The following TBC1D32 variants were observed in gnomAD, a reference collection of about 807,000 sequenced individuals.
The protein encoded by TBC1D32 is protein broad-minded.
A neutral mutation model predicts 170.3 loss-of-function variants in TBC1D32; 151 were observed. The ratio of observed to expected loss-of-function variants is 0.89; its 90% CI spans 0.78 to 1.01. The LOEUF is 1.01. Ranked by LOEUF, TBC1D32 falls within the 50% of genes least tolerant of loss-of-function variation. The pLI is 0.00. For synonymous variants in TBC1D32, 498 were observed against 488.0 expected, an observed-to-expected ratio of 1.02 and a Z score of -0.27; for missense variants, 1,464 against 1,457.1, an observed-to-expected ratio of 1.00 and a Z score of -0.08.
intron 22 of TBC1D32, among the ~76,000 whole-genome samples, chr6:121,191,577 T>C (rs780803634): frequency 7.5e-5 from 11 of 147,620 alleles, no homozygotes; most frequent in Non-Finnish European, 1.3e-4. Context: ...CCTGCTCACT[T>C]ACTCTATGTA....
At chr6:121,294,761 T>C in intron 10 of TBC1D32, 101 bp from the exon 11 acceptor site, 1 of 930,590 alleles carries the variant, frequency 1.1e-6, no homozygotes, top group Non-Finnish European at 1.7e-6. Flanking sequence ...GGAGAAATAT[T>C]TGAGAAAAAT....
intron 30 of TBC1D32, among the ~76,000 whole-genome samples, chr6:121,098,860 G>T (rs972012740): frequency 2.0e-5 from 3 of 151,854 alleles, no homozygotes; most frequent in Admixed American, 6.6e-5. Flanking sequence ...TAACTCACAG[G>T]AAGGGAGAAG....
Position 121,113,197 on chromosome 6 carries a change from A to G in TBC1D32, c.3054-20T>C, listed in dbSNP as rs560264993. On this transcript the variant is annotated intron_variant, in intron 27 of 31. Transcript: ENST00000398212. ...CCATACCTATATTAAAAGCCCACAAAACATAAAACATATCAGGTCTTGCAT... is the reference window on the plus strand; with the variant it reads ...CCATACCTATATTAAAAGCCCACAAGACATAAAACATATCAGGTCTTGCAT... The G allele has an allele frequency of 5.4e-6, 8 of 1,484,450 alleles. No homozygotes were observed. The African/African-American group carries it at 1.1e-4, about 21-fold the overall frequency. The allele number at this position is 1,484,450 out of a possible 1,614,324, so 92.0% of individuals were successfully genotyped here.
chr6:121,295,883 A>G (rs1052802647), intron 10 of TBC1D32, among the ~76,000 whole-genome samples: 1 of 152,118 alleles, frequency 6.6e-6, no homozygotes, highest in African/African-American at 2.4e-5. Flanking sequence ...TGGGATTTTG[A>G]TAGCATCTAG....
intron 3 of TBC1D32, among the ~76,000 whole-genome samples, chr6:121,315,690 CATGA>C (rs1177722157): frequency 6.6e-6 from 1 of 151,994 alleles, no homozygotes; most frequent in Non-Finnish European, 1.5e-5. Flanking sequence ...ATTTTGAAGG[CATGA>C]ATAAGATTGT....
chr6:121,306,970 G>C (rs1028316861), intron 5 of TBC1D32, among the ~76,000 whole-genome samples: 2 of 151,882 alleles, frequency 1.3e-5, no homozygotes, highest in Non-Finnish European at 2.9e-5. Flanking sequence ...AAGCCCTTTC[G>C]AATAAACCAT....
At chr6:121,330,352 G>A (rs191295700) in intron 1 of TBC1D32, among the ~76,000 whole-genome samples, 1 of 152,040 alleles carries the variant, frequency 6.6e-6, no homozygotes, top group African/African-American at 2.4e-5. Context: ...ATATTTTCTT[G>A]AATTACCTCT....
intron 22 of TBC1D32, among the ~76,000 whole-genome samples, chr6:121,196,858 A>G (rs1457528560): frequency 6.6e-6 from 1 of 152,158 alleles, no homozygotes; most frequent in Non-Finnish European, 1.5e-5. Flanking sequence ...AGGATTCATG[A>G]TTCCAGGAAT....
intron 22 of TBC1D32, among the ~76,000 whole-genome samples, chr6:121,168,739 C>CAAA (rs1786508531): frequency 1.0e-5 from 1 of 96,376 alleles, no homozygotes; most frequent in African/African-American, 3.8e-5. Flanking sequence ...AAAAAATCAA[C>CAAA]ATGCAAAAAT....
At chr6:121,145,392 C>T (rs1040617561) in intron 24 of TBC1D32, among the ~76,000 whole-genome samples, 2 of 151,930 alleles carry the variant, frequency 1.3e-5, no homozygotes, top group African/African-American at 4.8e-5. Context: ...TATATAATCT[C>T]GCTTATGTGC....
chr6:121,182,280 A>G (rs915870544), intron 22 of TBC1D32, among the ~76,000 whole-genome samples: 1 of 151,970 alleles, frequency 6.6e-6, no homozygotes, highest in African/African-American at 2.4e-5. Flanking sequence ...GTATGTTTAT[A>G]TTTTATCACA....
chr6:121,200,700 A>G (rs1791431721), intron 22 of TBC1D32, among the ~76,000 whole-genome samples: 1 of 151,628 alleles, frequency 6.6e-6, no homozygotes, highest in South Asian at 2.1e-4. Flanking sequence ...AAGGACCATA[A>G]AGGCAAGAGG....
At chr6:121,271,099 G>C (rs1801343739) in intron 15 of TBC1D32, among the ~76,000 whole-genome samples, 2 of 152,118 alleles carry the variant, frequency 1.3e-5, no homozygotes, top group South Asian at 4.1e-4. Context: ...ACTAGGTATA[G>C]ATGGGACGTA....
rs1421354343 is a variant in TBC1D32 at position 121,294,563 on chromosome 6, T to C, written c.1231+7A>G. ...TAAAAGTATGTAATAGAGGAAATAA[T>C]ACTTACTGCAATGCTTTGAATGTCC... is the stretch of plus-strand genomic sequence containing the variant. On this transcript the variant is annotated splice_region_variant and intron_variant, in intron 11 of 31. Transcript: ENST00000398212. The C allele has an allele frequency of 1.9e-6, 3 of 1,600,776 alleles. No individual in the cohort carries two copies. Among genetic ancestry groups the C allele is most frequent in the African/African-American group, 2.7e-5 (2 of 74,496 alleles).
chr6:121,098,474 C>T (rs1037277229), intron 30 of TBC1D32, among the ~76,000 whole-genome samples: 3 of 151,776 alleles, frequency 2.0e-5, no homozygotes, highest in Admixed American at 6.6e-5. Flanking sequence ...CTTCATTGAT[C>T]GTGAATTTCT....
chr6:121,244,091 G>A (rs114922259), intron 17 of TBC1D32, among the ~76,000 whole-genome samples: 1,868 of 151,880 alleles, frequency 0.012, 38 homozygotes, highest in African/African-American at 0.043. Flanking sequence ...TCAAGAAGGG[G>A]AGAAAAGGAC....
In TBC1D32 at chr6:121,153,592, C is replaced by T. The variant is rs181149777; in HGVS notation, c.2773+6418G>A. ...TTTAAGTCTGCTGTAGCTGCACCCA[C>T]AACCGCCCCTTCCCCCTGGGGCTCT... On this transcript the variant is annotated intron_variant, in intron 24 of 31. Coordinates refer to ENST00000398212, the MANE Select transcript of TBC1D32 (RefSeq NM_152730.6). Among the ~76,000 whole-genome samples, 1,318 of 152,238 alleles carry T rather than the reference C, an allele frequency of 8.7e-3. 17 individuals are homozygous for T. The highest frequency in any genetic ancestry group is 0.03 in the African/African-American group (1,253 of 41,552).
At chr6:121,283,771 T>G (rs367881871) in intron 13 of TBC1D32, 47 bp downstream of exon 13, 17 of 1,395,838 alleles carry the variant, frequency 1.2e-5, no homozygotes, top group Non-Finnish European at 1.7e-5. Context: ...TACTTAAATA[T>G]TTTTAGATGT....
chr6:121,321,555 G>C (rs1295545086), intron 2 of TBC1D32, 78 bp downstream of exon 2: 2 of 1,357,014 alleles, frequency 1.5e-6, no homozygotes, highest in Non-Finnish European at 2.0e-6. Flanking sequence ...AATAGACTGT[G>C]AGGGACAGAG....
Sources: allele counts gnomAD v4.1 joint callset (sites outside exome capture counted in the v4.1 genomes callset), GRCh38; gene constraint gnomAD v4.1.1; transcripts MANE v1.5; gene names NCBI Gene and HGNC (gene_info 2026-07-23, HGNC 2026-07-21).